PRKAR1B: variants seen among roughly 807,000 people sequenced by gnomAD.
PRKAR1B encodes the protein cAMP-dependent protein kinase type I-beta regulatory subunit.
Under a neutral mutation model 46.5 loss-of-function variants are expected in PRKAR1B, and 22 were observed. The ratio of observed to expected loss-of-function variants is 0.47; its 90% CI spans 0.34 to 0.68. The LOEUF (loss-of-function observed/expected upper bound fraction) is 0.68, where lower values mean the gene tolerates loss of function less well. Ranked by LOEUF, PRKAR1B falls within the 30% of genes least tolerant of loss-of-function variation. PRKAR1B has a pLI of 0.01. For synonymous variants in PRKAR1B, 259 were observed against 217.7 expected (o/e 1.19, Z -1.67); for missense variants, 445 against 535.6 (o/e 0.83, Z 1.67).
At chr7:557,755 T>TG (rs1778536665) in intron 9 of PRKAR1B, among the ~76,000 whole-genome samples, 2 of 152,170 alleles carry the variant, frequency 1.3e-5, no homozygotes, top group Admixed American at 6.5e-5. Flanking sequence ...CCAACTCCAC[T>TG]TCCCAGACTG....
chr7:660,508 T>C, intron 4 of PRKAR1B, among the ~76,000 whole-genome samples: 1 of 93,294 alleles, frequency 1.1e-5, no homozygotes, highest in South Asian at 4.4e-4. Context: ...CAGATCCAAA[T>C]ACCTACTCTC....
At chr7:643,485 G>A (rs1264470570) in intron 4 of PRKAR1B, among the ~76,000 whole-genome samples, 1 of 151,448 alleles carries the variant, frequency 6.6e-6, no homozygotes, top group Non-Finnish European at 1.5e-5. Flanking sequence ...CACTTTGGGA[G>A]GCCGAGGCAG....
chr7:707,369 A>G (rs1374683722), intron 2 of PRKAR1B, among the ~76,000 whole-genome samples: 6 of 152,084 alleles, frequency 3.9e-5, no homozygotes, highest in Non-Finnish European at 8.8e-5. Context: ...ATAACACATT[A>G]TTGTCGGCAA....
intron 6 of PRKAR1B, among the ~76,000 whole-genome samples, chr7:605,121 G>A (rs1411975034): frequency 6.6e-6 from 1 of 152,248 alleles, no homozygotes; most frequent in Non-Finnish European, 1.5e-5. Context: ...AGAGCAGAAG[G>A]AGAAGCAGGA....
chr7:678,794 T>C (rs1778489777), intron 3 of PRKAR1B, among the ~76,000 whole-genome samples: 1 of 152,214 alleles, frequency 6.6e-6, no homozygotes, highest in Non-Finnish European at 1.5e-5. Context: ...CTTTTAAAAA[T>C]GTAAGTGTTG....
intron 2 of PRKAR1B, among the ~76,000 whole-genome samples, chr7:693,623 G>A (rs1381697708): frequency 6.6e-6 from 1 of 152,214 alleles, no homozygotes; most frequent in Admixed American, 6.5e-5. Flanking sequence ...CTTGCGTGGA[G>A]AGGCCACACT....
At chr7:660,816 C>G (rs185072509) in intron 4 of PRKAR1B, among the ~76,000 whole-genome samples, 35 of 100,194 alleles carry the variant, frequency 3.5e-4, no homozygotes, top group African/African-American at 1.2e-3. Context: ...TACTCTCCCC[C>G]CCATGGCACA....
At chr7:607,649 C>T (rs960102174) in intron 4 of PRKAR1B, among the ~76,000 whole-genome samples, 197 bp from the exon 5 acceptor site, 1 of 152,242 alleles carries the variant, frequency 6.6e-6, no homozygotes, top group Non-Finnish European at 1.5e-5. Flanking sequence ...GCCCTGGGCA[C>T]ACAACCTCCC....
intron 4 of PRKAR1B, among the ~76,000 whole-genome samples, chr7:626,265 G>A (rs535033587): frequency 1.3e-5 from 2 of 152,326 alleles, no homozygotes; most frequent in African/African-American, 4.8e-5. Context: ...GCTGAGGCAG[G>A]AAGATCACTT....
At chr7:698,649 C>T (rs1779900035) in intron 2 of PRKAR1B, among the ~76,000 whole-genome samples, 1 of 151,884 alleles carries the variant, frequency 6.6e-6, no homozygotes, top group Non-Finnish European at 1.5e-5. Flanking sequence ...CATGCAAACA[C>T]ACCCCTTACA....
intron 4 of PRKAR1B, among the ~76,000 whole-genome samples, chr7:662,492 C>A (rs1262304970): frequency 7.0e-6 from 1 of 143,548 alleles, no homozygotes; most frequent in Non-Finnish European, 1.5e-5. Flanking sequence ...CTCTCCCCCC[C>A]ATGCCACAGG....
At chr7:578,892 G>A in intron 9 of PRKAR1B, 1 of 490,558 alleles carries the variant, frequency 2.0e-6, no homozygotes, top group Non-Finnish European at 3.0e-6. Context: ...ATGTTGGCCA[G>A]GCTGGTCTCG....
chr7:708,885 G>C (rs975410373), intron 2 of PRKAR1B, among the ~76,000 whole-genome samples: 5 of 149,808 alleles, frequency 3.3e-5, no homozygotes, highest in African/African-American at 1.2e-4. Context: ...TCCACCTCCC[G>C]GGTTCAAGCC....
chr7:584,469 T>C (rs960450348), intron 8 of PRKAR1B, 39 bp downstream of exon 8: 7 of 1,596,864 alleles, frequency 4.4e-6, no homozygotes, highest in Non-Finnish European at 6.0e-6. Flanking sequence ...GGCGCCCAGA[T>C]GTCGGGACAC....
At chr7:604,583 G>A (rs914624549) in intron 6 of PRKAR1B, among the ~76,000 whole-genome samples, 4 of 152,212 alleles carry the variant, frequency 2.6e-5, no homozygotes, top group East Asian at 3.9e-4. Flanking sequence ...TGCCCCCCAC[G>A]GGGAGGCGGG....
intron 2 of PRKAR1B, chr7:691,620 G>A (rs1779432167): frequency 1.5e-6 from 2 of 1,303,402 alleles, no homozygotes; most frequent in Non-Finnish European, 2.0e-6. Flanking sequence ...GCCCTGCCGT[G>A]TGCTGAATGG....
intron 9 of PRKAR1B, among the ~76,000 whole-genome samples, chr7:574,651 C>T (rs918033497): frequency 2.6e-5 from 4 of 152,172 alleles, no homozygotes; most frequent in Admixed American, 6.5e-5. Flanking sequence ...ACCATGTTGG[C>T]CAGGCTGATC....
In PRKAR1B at chr7:666,519, C is replaced by T. The variant is rs1226661927; in HGVS notation, c.440+10710G>A. 6.6e-6 allele frequency among the ~76,000 whole-genome samples: 1 copy of T among 152,214 alleles called. No individual in the cohort carries two copies. The highest frequency in any genetic ancestry group is 2.4e-5 in the African/African-American group (1 of 41,458). Reference sequence around the variant, plus strand: ...CTGCCCTGGGAGCTACTCAACTCTGCAGAGGGGCTGTGCAGGTGCCGTCCC... The same window carrying T: ...CTGCCCTGGGAGCTACTCAACTCTGTAGAGGGGCTGTGCAGGTGCCGTCCC... On this transcript the variant is annotated intron_variant, in intron 4 of 10. Transcript: ENST00000537384. The surrounding 1 kb of genome is among the most constrained non-coding windows in gnomAD (Gnocchi z 4.9).
intron 9 of PRKAR1B, chr7:564,958 C>G (rs1011159788): frequency 6.6e-6 from 1 of 152,196 alleles, no homozygotes; most frequent in African/African-American, 2.4e-5. Flanking sequence ...GTCTGGGAAC[C>G]CAGGAGTGAC....
Sources: gnomAD v4.1 joint callset for allele counts (sites outside exome capture counted in the v4.1 genomes callset) on GRCh38, gnomAD v4.1.1 for gene constraint, Gnocchi (gnomAD v3.1) non-coding constraint, MANE v1.5 for transcripts, NCBI Gene and HGNC (gene_info 2026-07-23, HGNC 2026-07-21) for gene names.